The following PKNOX2 variants were observed in gnomAD, a reference collection of about 807,000 sequenced individuals.
PKNOX2 encodes the protein PBX/knotted 1 homeobox 2.
A neutral mutation model predicts 53.1 loss-of-function variants in PKNOX2; 14 were observed. The ratio of observed to expected loss-of-function variants is 0.26; its 90% CI spans 0.17 to 0.41. PKNOX2 has a LOEUF of 0.41. Among genes scored for constraint, PKNOX2 ranks in the 10% least tolerant of loss-of-function variants. The pLI is 1.00. For synonymous variants in PKNOX2, 257 were observed against 242.8 expected, an observed-to-expected ratio of 1.06 and a Z score of -0.54; for missense variants, 496 against 602.8, an observed-to-expected ratio of 0.82 and a Z score of 1.85.
rs115392577 is a variant in PKNOX2, at chr11:125,294,388, C to G, written c.-129-37431C>G. ...TAGCTAGGTGGCCAGAAGAGAGGTA[C>G]AGAGAGGAACCCAATTCAGCATGAA... On this transcript the variant is annotated intron_variant, in intron 2 of 12. Coordinates refer to ENST00000298282, the MANE Select transcript of PKNOX2 (RefSeq NM_001382323.2). Among the ~76,000 whole-genome samples, 1,097 of 152,110 alleles carry G rather than the reference C, an allele frequency of 7.2e-3. 26 individuals are homozygous for G. Among genetic ancestry groups the G allele is most frequent in the African/African-American group, 0.025 (1,040 of 41,448 alleles).
chr11:125,170,089 G>A (rs540666465), intron 1 of PKNOX2, among the ~76,000 whole-genome samples: 5 of 152,318 alleles, frequency 3.3e-5, no homozygotes, highest in Non-Finnish European at 7.3e-5. Flanking sequence ...CGGCTGAGGG[G>A]GTTGGGTGCT....
chr11:125,261,283 A>G (rs935413645), intron 2 of PKNOX2, among the ~76,000 whole-genome samples: 7 of 152,180 alleles, frequency 4.6e-5, no homozygotes, highest in Non-Finnish European at 7.3e-5. Flanking sequence ...AAGAGGAGAA[A>G]CAGAGAAAGG....
chr11:125,285,181 G>A (rs931208553), intron 2 of PKNOX2, among the ~76,000 whole-genome samples: 1 of 152,086 alleles, frequency 6.6e-6, no homozygotes. Context: ...GGCTAGGGGG[G>A]TGATTTGTCC....
intron 7 of PKNOX2, among the ~76,000 whole-genome samples, chr11:125,405,521 T>C (rs1057479024): frequency 6.6e-6 from 1 of 152,172 alleles, no homozygotes; most frequent in African/African-American, 2.4e-5. Context: ...CAAAAGTCAT[T>C]CCACAGCTTC....
At chr11:125,173,632 T>A (rs1955488367) in intron 1 of PKNOX2, among the ~76,000 whole-genome samples, 1 of 152,210 alleles carries the variant, frequency 6.6e-6, no homozygotes, top group Non-Finnish European at 1.5e-5. Flanking sequence ...TTCCACAAAG[T>A]CTTCAGTCTC....
chr11:125,315,303 GAAAAAAAAAA>G (rs534448203), intron 2 of PKNOX2, among the ~76,000 whole-genome samples: 8 of 79,442 alleles, frequency 1.0e-4, no homozygotes, highest in East Asian at 3.7e-4. Flanking sequence ...TGTGAAGCAG[GAAAAAAAAAA>G]AAAAAAAAAA....
At position 125,165,132 on chromosome 11, in the gene PKNOX2, G is replaced by C. The variant is rs1217748076; in HGVS notation, c.-201+356G>C. 6.7e-6 allele frequency among the ~76,000 whole-genome samples: 1 copy of C among 148,388 alleles called. No individual in the cohort carries two copies. The highest frequency in any genetic ancestry group is 2.0e-4 in the East Asian group (1 of 5,094). Reference sequence around the variant, plus strand: ...CCGCGGGCCGCCCGCTCCCCTGCCCGGCCAGCGCTCAGCCCCGCCGCCGCC... The same window carrying C: ...CCGCGGGCCGCCCGCTCCCCTGCCCCGCCAGCGCTCAGCCCCGCCGCCGCC... On this transcript the variant is annotated intron_variant, in intron 1 of 12. Transcript: ENST00000298282. This position sits in a 1 kb window ranked among gnomAD's most constrained non-coding sequence, Gnocchi z 4.5.
intron 6 of PKNOX2, among the ~76,000 whole-genome samples, chr11:125,391,266 C>CACAGGGACTCAAT (rs1446222576): frequency 7.2e-5 from 11 of 152,036 alleles, no homozygotes; most frequent in Non-Finnish European, 1.6e-4. Flanking sequence ...CCTGTGGTGA[C>CACAGGGACTCAAT]GAGACTCAAA....
At chr11:125,179,391 G>A (rs909516856) in intron 1 of PKNOX2, among the ~76,000 whole-genome samples, 2 of 152,176 alleles carry the variant, frequency 1.3e-5, no homozygotes, top group Non-Finnish European at 2.9e-5. Flanking sequence ...TTTATCCAGA[G>A]AGAGCAGGGC....
At chr11:125,183,674 T>C (rs1321614296) in intron 1 of PKNOX2, among the ~76,000 whole-genome samples, 1 of 152,192 alleles carries the variant, frequency 6.6e-6, no homozygotes, top group East Asian at 1.9e-4. Context: ...CTCTTTTAAA[T>C]GGTCACACTA....
At chr11:125,383,490 A>T (rs1053221972) in intron 5 of PKNOX2, among the ~76,000 whole-genome samples, 2 of 150,416 alleles carry the variant, frequency 1.3e-5, no homozygotes, top group African/African-American at 2.4e-5. Flanking sequence ...GATGGCGGGA[A>T]CCTATAATCC....
intron 10 of PKNOX2, among the ~76,000 whole-genome samples, chr11:125,412,161 ACT>A (rs1433760803): frequency 6.6e-6 from 1 of 152,204 alleles, no homozygotes; most frequent in Non-Finnish European, 1.5e-5. Context: ...GGTGTGTCAC[ACT>A]GTTTCATGAA....
intron 2 of PKNOX2, among the ~76,000 whole-genome samples, chr11:125,283,034 C>T (rs1029126010): frequency 1.9e-4 from 29 of 152,046 alleles, no homozygotes; most frequent in Non-Finnish European, 3.4e-4. Context: ...TGCCAATAAT[C>T]CCAGCTACTC....
rs1437563038 is a variant in PKNOX2, at chr11:125,179,515, C to T, written c.-201+14739C>T. 1.2e-4 allele frequency among the ~76,000 whole-genome samples: 11 copies of T among 88,956 alleles called. No homozygotes were observed. In the South Asian group the frequency reaches 3.4e-3, roughly 28 times the overall value. 58.4% of individuals were successfully genotyped at this position (88,956 alleles called of 152,430 possible). A position where few individuals can be genotyped will look rare whatever the true frequency, so the allele number is the denominator to read the frequency against. On this transcript the variant is annotated intron_variant, in intron 1 of 12. Transcript: ENST00000298282. The stretch of plus-strand genomic sequence containing the variant: ...GCAGGGGGAGCATAGAGTTGAAGGC[C>T]CCCCGGCAGGGAGGAAGGGCTGTGC...
chr11:125,299,292 G>T (rs886313896), intron 2 of PKNOX2, among the ~76,000 whole-genome samples: 2 of 152,158 alleles, frequency 1.3e-5, no homozygotes, highest in Admixed American at 1.3e-4. Flanking sequence ...CCGACACTGG[G>T]GTCACATTTC....
In PKNOX2 at chr11:125,166,610, G is replaced by C. The variant is rs1954896903; in HGVS notation, c.-201+1834G>C. Among the ~76,000 whole-genome samples the C allele has an allele frequency of 6.6e-6, 1 of 152,164 alleles. No individual in the cohort carries two copies. Among genetic ancestry groups the C allele is most frequent in the African/African-American group, 2.4e-5 (1 of 41,460 alleles). ...GTGGCCCGCAGGGGCCGCGGCCTGC[G>C]ATGAAGGCCGGGGGGCAGCGCTAGC... On this transcript the variant is annotated intron_variant, in intron 1 of 12. Coordinates refer to ENST00000298282, the MANE Select transcript of PKNOX2 (RefSeq NM_001382323.2). This position sits in a 1 kb window ranked among gnomAD's most constrained non-coding sequence, Gnocchi z 4.0.
intron 1 of PKNOX2, among the ~76,000 whole-genome samples, chr11:125,222,668 G>A (rs1450515947): frequency 6.8e-6 from 1 of 146,080 alleles, no homozygotes; most frequent in Non-Finnish European, 1.5e-5. Context: ...GTGTATGTGT[G>A]TGTGTATGTG....
At chr11:125,337,095 T>G (rs1169304455) in intron 3 of PKNOX2, among the ~76,000 whole-genome samples, 2 of 152,184 alleles carry the variant, frequency 1.3e-5, no homozygotes, top group Non-Finnish European at 2.9e-5. Context: ...ACTGTTACAT[T>G]GCTGTAGTTT....
At chr11:125,236,003 G>A (rs886273765) in intron 2 of PKNOX2, among the ~76,000 whole-genome samples, 1 of 152,230 alleles carries the variant, frequency 6.6e-6, no homozygotes, top group African/African-American at 2.4e-5. Flanking sequence ...CTGAGGCTGA[G>A]CTGTTGCTGC....
Sources: allele counts gnomAD v4.1 joint callset (sites outside exome capture counted in the v4.1 genomes callset), GRCh38; gene constraint gnomAD v4.1.1; non-coding constraint Gnocchi (gnomAD v3.1); transcripts MANE v1.5; gene names NCBI Gene and HGNC (gene_info 2026-07-23, HGNC 2026-07-21).